Variants in KCNC2 observed in about 807,000 individuals in gnomAD.
KCNC2 encodes the protein voltage-gated potassium channel KCNC2.
In KCNC2, 21 loss-of-function variants were observed where a neutral mutation model predicts 44.5. That is an observed-to-expected ratio of 0.47 (90% CI 0.33 to 0.68). The LOEUF is 0.68. KCNC2 is among the 30% of genes least tolerant of loss of function. The pLI is 0.01. For missense variants in KCNC2, 589 were observed against 826.2 expected (o/e 0.71, Z 3.52); for synonymous variants, 391 against 339.1 (o/e 1.15, Z -1.68).
At chr12:75,185,824 T>C (rs868429817) in intron 2 of KCNC2, among the ~76,000 whole-genome samples, 5 of 152,072 alleles carry the variant, frequency 3.3e-5, no homozygotes, top group Admixed American at 1.3e-4. Flanking sequence ...GGCAGGTGGA[T>C]CACCTGAGGT....
At chr12:75,048,804 G>A (rs1459253468) in intron 3 of KCNC2, among the ~76,000 whole-genome samples, 1 of 152,032 alleles carries the variant, frequency 6.6e-6, no homozygotes, top group Non-Finnish European at 1.5e-5. Context: ...TTATTCCAAA[G>A]CACACAAACT....
At chr12:75,073,111 A>C (rs1883584960) in intron 2 of KCNC2, among the ~76,000 whole-genome samples, 1 of 152,302 alleles carries the variant, frequency 6.6e-6, no homozygotes, top group Non-Finnish European at 1.5e-5. Flanking sequence ...GAGGCCTGAT[A>C]TTCTTTCACC....
intron 2 of KCNC2, among the ~76,000 whole-genome samples, chr12:75,087,722 A>G (rs1303617547): frequency 6.6e-6 from 1 of 152,184 alleles, no homozygotes; most frequent in South Asian, 2.1e-4. Flanking sequence ...GAGCCTGAAA[A>G]TGCAAAGCAT....
chr12:75,096,544 A>G (rs2137157157), intron 2 of KCNC2, among the ~76,000 whole-genome samples: 1 of 152,176 alleles, frequency 6.6e-6, no homozygotes, highest in East Asian at 1.9e-4. Flanking sequence ...ACAACTTGTT[A>G]TTCAAAGGAC....
chr12:75,069,306 G>A (rs1883161889), intron 2 of KCNC2, among the ~76,000 whole-genome samples: 1 of 151,346 alleles, frequency 6.6e-6, no homozygotes, highest in Non-Finnish European at 1.5e-5. Flanking sequence ...AGCTAATTTT[G>A]TATTTTTTTA....
chr12:75,105,100 T>A (rs1012692535), intron 2 of KCNC2, among the ~76,000 whole-genome samples: 4 of 152,136 alleles, frequency 2.6e-5, no homozygotes, highest in Admixed American at 1.3e-4. Context: ...GTAAGTCATT[T>A]GGATAATAAT....
chr12:75,076,211 C>T (rs1883956254), intron 2 of KCNC2, among the ~76,000 whole-genome samples: 2 of 152,144 alleles, frequency 1.3e-5, no homozygotes. Context: ...AAATGTATAA[C>T]TTATGCCAGA....
At chr12:75,093,742 C>T (rs1885688644) in intron 2 of KCNC2, among the ~76,000 whole-genome samples, 1 of 151,526 alleles carries the variant, frequency 6.6e-6, no homozygotes, top group Non-Finnish European at 1.5e-5. Flanking sequence ...AGCTAAAACT[C>T]ATGTTCACCC....
chr12:75,071,937 C>CAAAAAAAAAAAAAAAA (rs751849483), intron 2 of KCNC2, among the ~76,000 whole-genome samples: 1 of 67,366 alleles, frequency 1.5e-5, no homozygotes, highest in African/African-American at 8.1e-5. Flanking sequence ...GACTCCTTCT[C>CAAAAAAAAAAAAAAAA]AAAAAAAAAA....
chr12:75,178,839 G>A (rs1366809840), intron 2 of KCNC2, among the ~76,000 whole-genome samples: 1 of 151,996 alleles, frequency 6.6e-6, no homozygotes, highest in Non-Finnish European at 1.5e-5. Flanking sequence ...ATTTTGTAAT[G>A]GTGCAAGTAT....
At chr12:75,138,697 C>T (rs993775954) in intron 2 of KCNC2, among the ~76,000 whole-genome samples, 4 of 151,852 alleles carry the variant, frequency 2.6e-5, no homozygotes, top group East Asian at 1.9e-4. Context: ...AACGGGATTC[C>T]GGGCTGGGCG....
intron 2 of KCNC2, among the ~76,000 whole-genome samples, chr12:75,145,263 C>CAAGTG (rs1363128612): frequency 6.6e-6 from 1 of 151,968 alleles, no homozygotes; most frequent in Non-Finnish European, 1.5e-5. Context: ...TCAGGAGATT[C>CAAGTG]AAGTGCTTCT....
At chr12:75,187,246 C>T (rs866101223) in intron 2 of KCNC2, among the ~76,000 whole-genome samples, 11 of 152,164 alleles carry the variant, frequency 7.2e-5, no homozygotes, top group Non-Finnish European at 8.8e-5. Context: ...TACCCAAATG[C>T]AATTTATTTT....
Position 75,042,806 on chromosome 12 carries a change from G to T in KCNC2, c.*299C>A. ...ACTGTTTTAAATATATCTCCCTGAA[G>T]GTATGTTTATATATTAGTGCACTGG... On this transcript the variant is annotated 3_prime_UTR_variant, in exon 5 of 5. Coordinates refer to ENST00000549446, the MANE Select transcript of KCNC2 (RefSeq NM_139137.4). 8.4e-7 allele frequency: 1 copy of T among 1,193,896 alleles called. No homozygotes were observed. Among genetic ancestry groups the T allele is most frequent in the African/African-American group, 1.6e-5 (1 of 63,724 alleles). The allele number at this position is 1,193,896 out of a possible 1,614,324, so 74.0% of individuals were successfully genotyped here.
intron 2 of KCNC2, among the ~76,000 whole-genome samples, chr12:75,203,511 TA>T (rs1299017814): frequency 6.6e-6 from 1 of 151,812 alleles, no homozygotes; most frequent in Non-Finnish European, 1.5e-5. Flanking sequence ...TCAACAACAG[TA>T]AATGAGATAA....
chr12:75,174,785 G>C (rs1482414480), intron 2 of KCNC2, among the ~76,000 whole-genome samples: 1 of 151,794 alleles, frequency 6.6e-6, no homozygotes, highest in Non-Finnish European at 1.5e-5. Context: ...CTCAAAAGAA[G>C]TCTCCCATTA....
chr12:75,190,421 A>C (rs2471649), intron 2 of KCNC2, among the ~76,000 whole-genome samples: 73,802 of 151,594 alleles, frequency 0.49, 20,304 homozygotes, highest in African/African-American at 0.77. Flanking sequence ...AGGTGATGCT[A>C]ACAATCAAAG....
At chr12:75,179,361 A>G (rs1269046063) in intron 2 of KCNC2, among the ~76,000 whole-genome samples, 1 of 152,006 alleles carries the variant, frequency 6.6e-6, no homozygotes, top group Non-Finnish European at 1.5e-5. Flanking sequence ...TGGCAAAAAT[A>G]TATAAGGAGT....
intron 4 of KCNC2, chr12:75,044,910 TGAATGATG>T (rs1880309312): frequency 6.6e-6 from 1 of 151,984 alleles, no homozygotes; most frequent in Non-Finnish European, 1.5e-5. Flanking sequence ...TTTATGTTGG[TGAATGATG>T]GAATAGTGGG....
Sources: allele counts gnomAD v4.1 joint callset (sites outside exome capture counted in the v4.1 genomes callset), GRCh38; gene constraint gnomAD v4.1.1; transcripts MANE v1.5; gene names NCBI Gene and HGNC (gene_info 2026-07-23, HGNC 2026-07-21).